Variants in COL14A1 observed in about 807,000 individuals in gnomAD.
COL14A1 encodes collagen alpha-1(XIV) chain.
A neutral mutation model predicts 230.3 loss-of-function variants in COL14A1; 136 were observed. The ratio of observed to expected loss-of-function variants is 0.59; its 90% CI spans 0.51 to 0.68. The LOEUF (loss-of-function observed/expected upper bound fraction) is 0.68, where lower values mean the gene tolerates loss of function less well. COL14A1 is among the 30% of genes least tolerant of loss of function. The probability of loss-of-function intolerance (pLI) is 0.00; values close to 1 mark genes in which losing one functional copy is unlikely to be tolerated. For synonymous variants in COL14A1, 792 were observed against 784.1 expected, an observed-to-expected ratio of 1.01 and a Z score of -0.17; for missense variants, 1,976 against 2,215.8, an observed-to-expected ratio of 0.89 and a Z score of 2.17.
At chr8:120,289,997 T>C (rs912749165) in intron 34 of COL14A1, among the ~76,000 whole-genome samples, 5 of 152,212 alleles carry the variant, frequency 3.3e-5, no homozygotes, top group Non-Finnish European at 7.3e-5. Context: ...GCTTCCACTG[T>C]ATTATATGGA....
intron 34 of COL14A1, among the ~76,000 whole-genome samples, chr8:120,295,016 T>G (rs1820481683): frequency 6.6e-6 from 1 of 151,896 alleles, no homozygotes; most frequent in Non-Finnish European, 1.5e-5. Context: ...AGGTGGTAGA[T>G]GTTTATTTGA....
intron 9 of COL14A1, among the ~76,000 whole-genome samples, chr8:120,204,191 A>G (rs1239907457): frequency 6.6e-6 from 1 of 152,190 alleles, no homozygotes; most frequent in Non-Finnish European, 1.5e-5. Context: ...TGTGTTCTTT[A>G]CTAGTTTTCC....
At chr8:120,207,168 GAAATAT>G (rs1251609749) in intron 10 of COL14A1, 74 bp downstream of exon 10, 4 of 1,217,984 alleles carry the variant, frequency 3.3e-6, no homozygotes, top group Non-Finnish European at 4.5e-6. Flanking sequence ...GAACAAGGCA[GAAATAT>G]AAATATAAGA....
intron 32 of COL14A1, among the ~76,000 whole-genome samples, chr8:120,284,349 G>A (rs767098881): frequency 6.6e-6 from 1 of 152,224 alleles, no homozygotes; most frequent in Non-Finnish European, 1.5e-5. Context: ...TTGGAAACGT[G>A]AGGAAGAACC....
intron 26 of COL14A1, 119 bp from the exon 27 acceptor site, chr8:120,277,992 A>C (rs1194747604): frequency 1.3e-5 from 12 of 932,880 alleles, no homozygotes; most frequent in Middle Eastern, 2.4e-4. Flanking sequence ...ATTTTAATCC[A>C]AGCAGATTTT....
At chr8:120,163,907 A>G (rs1411775884) in intron 4 of COL14A1, among the ~76,000 whole-genome samples, 6 of 152,096 alleles carry the variant, frequency 3.9e-5, no homozygotes, top group Admixed American at 2.0e-4. Context: ...TTTTCTAGGC[A>G]CTTGGGCACA....
chr8:120,311,617 G>A (rs186565473), intron 37 of COL14A1, among the ~76,000 whole-genome samples: 1 of 152,256 alleles, frequency 6.6e-6, no homozygotes, highest in East Asian at 1.9e-4. Context: ...TAGATACCTT[G>A]CATACGGAAG....
chr8:120,199,652 T>C, intron 8 of COL14A1, 86 bp downstream of exon 8: 1 of 1,406,186 alleles, frequency 7.1e-7, no homozygotes, highest in East Asian at 2.5e-5. Context: ...TGCACTTCAC[T>C]GAAAGCCAGG....
In COL14A1 at chr8:120,332,213, T is replaced by C; in HGVS notation, c.4713+19T>C. 4 of 1,606,094 alleles carry C rather than the reference T, an allele frequency of 2.5e-6. No homozygotes were observed. The highest frequency in any genetic ancestry group is 3.4e-6 in the Non-Finnish European group (4 of 1,172,844). The stretch of plus-strand genomic sequence containing the variant: ...GCCAATAGTAAGCCTTTCCAGAAAC[T>C]ACTGGGACATACTCTGTTTTAAAGC... On this transcript the variant is annotated intron_variant, in intron 41 of 47. Transcript: ENST00000297848.
chr8:120,349,916 C>T (rs868186629), intron 45 of COL14A1, among the ~76,000 whole-genome samples: 1 of 145,024 alleles, frequency 6.9e-6, no homozygotes, highest in African/African-American at 2.7e-5. Flanking sequence ...AGAAGAGCAA[C>T]TCCAAGACAC....
intron 45 of COL14A1, among the ~76,000 whole-genome samples, chr8:120,353,627 A>C (rs1292942419): frequency 6.6e-6 from 1 of 151,364 alleles, no homozygotes; most frequent in African/African-American, 2.4e-5. Flanking sequence ...GCAGCCAAAA[A>C]ACACATGAAA....
intron 40 of COL14A1, among the ~76,000 whole-genome samples, chr8:120,323,898 G>A (rs1821557844): frequency 6.6e-6 from 1 of 152,166 alleles, no homozygotes; most frequent in African/African-American, 2.4e-5. Flanking sequence ...TTGGCTGTAA[G>A]AATGAGATAA....
intron 39 of COL14A1, 58 bp from the exon 40 acceptor site, chr8:120,315,886 C>A: frequency 6.4e-7 from 1 of 1,562,666 alleles, no homozygotes; most frequent in Non-Finnish European, 8.8e-7. Flanking sequence ...AGGGAAGCTG[C>A]GTGAGCAGAT....
In COL14A1 at chr8:120,158,333, A is replaced by C. The variant is rs970312607; in HGVS notation, c.205+87A>C. 1.9e-5 allele frequency: 15 copies of C among 796,046 alleles called. No individual in the cohort carries two copies. In the African/African-American group the frequency reaches 2.1e-4, roughly 11 times the overall value. The allele number at this position is 796,046 out of a possible 1,614,324, so 49.3% of individuals were successfully genotyped here. On this transcript the variant is annotated intron_variant, in intron 3 of 47. Coordinates refer to ENST00000297848, the MANE Select transcript of COL14A1 (RefSeq NM_021110.4). ...AACATGTAGTGCCAAGCATTGTGTT[A>C]GGATTTTTTGGAAGCTTTTGGTTTG...
At chr8:120,316,817 G>A (rs1821251162) in intron 40 of COL14A1, among the ~76,000 whole-genome samples, 1 of 152,052 alleles carries the variant, frequency 6.6e-6, no homozygotes, top group Non-Finnish European at 1.5e-5. Context: ...GCAAGGGAAG[G>A]TGGAGCATTT....
intron 19 of COL14A1, among the ~76,000 whole-genome samples, chr8:120,239,515 G>A (rs866566533): frequency 6.6e-6 from 1 of 152,184 alleles, no homozygotes; most frequent in Non-Finnish European, 1.5e-5. Context: ...CACAGTGACA[G>A]ACCCAAGAAG....
intron 8 of COL14A1, among the ~76,000 whole-genome samples, chr8:120,202,891 C>A (rs1817296236): frequency 6.6e-6 from 1 of 150,724 alleles, no homozygotes; most frequent in Non-Finnish European, 1.5e-5. Flanking sequence ...AGTAAAATTG[C>A]AGTGGTTACT....
intron 26 of COL14A1, among the ~76,000 whole-genome samples, chr8:120,271,616 GA>G (rs1334527806): frequency 6.6e-6 from 1 of 151,644 alleles, no homozygotes; most frequent in African/African-American, 2.4e-5. Context: ...TCTGAGAATA[GA>G]ATTTCCAGAC....
intron 1 of COL14A1, among the ~76,000 whole-genome samples, chr8:120,142,697 C>T (rs910084363): frequency 3.3e-5 from 5 of 152,030 alleles, no homozygotes; most frequent in Non-Finnish European, 4.4e-5. Flanking sequence ...TATTTTGAAC[C>T]CTAAGCACAA....
Sources: gnomAD v4.1 joint callset for allele counts (sites outside exome capture counted in the v4.1 genomes callset) on GRCh38, gnomAD v4.1.1 for gene constraint, MANE v1.5 for transcripts, NCBI Gene and HGNC (gene_info 2026-07-23, HGNC 2026-07-21) for gene names.